PPP1CB: variants seen among roughly 807,000 people sequenced by gnomAD.
PPP1CB encodes the protein serine/threonine-protein phosphatase PP1-beta catalytic subunit.
A neutral mutation model predicts 43.7 loss-of-function variants in PPP1CB; 2 were observed. That is an observed-to-expected ratio of 0.05 (90% confidence interval 0.02 to 0.14). The LOEUF is 0.14. PPP1CB is among the 10% of genes least tolerant of loss of function. PPP1CB has a pLI of 1.00. For synonymous variants in PPP1CB, 136 were observed against 135.6 expected, an observed-to-expected ratio of 1.00 and a Z score of -0.02; for missense variants, 84 against 398.0, an observed-to-expected ratio of 0.21 and a Z score of 6.71.
chr2:28,756,648 T>C (rs1275577887), intron 1 of PPP1CB, among the ~76,000 whole-genome samples: 3 of 152,184 alleles, frequency 2.0e-5, no homozygotes, highest in South Asian at 2.1e-4. Context: ...CTTGGCTGGC[T>C]AATTTTTTTT....
In PPP1CB at chr2:28,764,337, A is replaced by G. The variant is rs143403261; in HGVS notation, c.52+12161A>G. Among the ~76,000 whole-genome samples, 748 of 151,158 alleles carry G rather than the reference A, an allele frequency of 4.9e-3. 12 individuals carry two copies. The highest frequency in any genetic ancestry group is 0.025 in the Admixed American group (383 of 15,140). On this transcript the variant is annotated intron_variant, in intron 1 of 7. Transcript: ENST00000395366. ...TAGCTGGGCATAGTAGCACCCACCT[A>G]TAATCCCAGCTACTCGGGAGGCTGA...
chr2:28,793,741 C>T (rs1224504609), intron 6 of PPP1CB, 122 bp from the exon 7 acceptor site: 5 of 1,035,754 alleles, frequency 4.8e-6, no homozygotes, highest in East Asian at 2.6e-5. Context: ...ACTTCCAAAA[C>T]AAAACAGGGT....
chr2:28,774,593 T>C (rs1666991532), intron 1 of PPP1CB, among the ~76,000 whole-genome samples: 1 of 152,102 alleles, frequency 6.6e-6, no homozygotes, highest in Admixed American at 6.5e-5. Context: ...TCCCGGCTAA[T>C]TCTTGTATTT....
intron 1 of PPP1CB, among the ~76,000 whole-genome samples, chr2:28,755,198 C>T (rs1366646442): frequency 2.0e-5 from 3 of 152,104 alleles, no homozygotes; most frequent in Non-Finnish European, 4.4e-5. Flanking sequence ...TACAGCATGC[C>T]ACCACGCCCC....
Position 28,799,396 on chromosome 2 carries a change from ACCCT to A in PPP1CB, c.*94_*97del. The A allele has an allele frequency of 1.0e-6, 1 of 982,332 alleles. No homozygotes were observed. Among genetic ancestry groups the A allele is most frequent in the Non-Finnish European group, 1.5e-6 (1 of 652,864 alleles). The allele number at this position is 982,332 out of a possible 1,614,324, so 60.9% of individuals were successfully genotyped here. A position where few individuals can be genotyped will look rare whatever the true frequency, so the allele number is the denominator to read the frequency against. Reference sequence around the variant, plus strand: ...CTGTAAAACCATCCAGCCATTTGACACCCTTTATGATGTCACACCTTTAACTTAA... The same window carrying A: ...CTGTAAAACCATCCAGCCATTTGACATTATGATGTCACACCTTTAACTTAA... On this transcript the variant is annotated 3_prime_UTR_variant, in exon 8 of 8. Coordinates refer to ENST00000395366, the MANE Select transcript of PPP1CB (RefSeq NM_002709.3).
chr2:28,774,969 C>T (rs10178852), intron 1 of PPP1CB, among the ~76,000 whole-genome samples: 79,096 of 151,948 alleles, frequency 0.52, 21,626 homozygotes, highest in South Asian at 0.61. Flanking sequence ...TCTGTGTCTC[C>T]TGTTTATTGC....
At chr2:28,752,576 T>C (rs530799019) in intron 1 of PPP1CB, among the ~76,000 whole-genome samples, 1 of 152,152 alleles carries the variant, frequency 6.6e-6, no homozygotes, top group Non-Finnish European at 1.5e-5. Flanking sequence ...GGAATCACTG[T>C]TCTTCTCTGT....
intron 1 of PPP1CB, among the ~76,000 whole-genome samples, chr2:28,753,654 A>G (rs2148452019): frequency 6.6e-6 from 1 of 152,310 alleles, no homozygotes; most frequent in South Asian, 2.1e-4. Context: ...TAACTGTTTT[A>G]TGAGGGAAAT....
intron 1 of PPP1CB, among the ~76,000 whole-genome samples, chr2:28,757,063 C>T (rs773879417): frequency 2.8e-4 from 43 of 152,068 alleles, no homozygotes; most frequent in African/African-American, 9.2e-4. Context: ...CATTCCCTCC[C>T]GGCCCCCACT....
At position 28,777,140 on chromosome 2, in the gene PPP1CB, C is replaced by T. The variant is rs1667059725; in HGVS notation, c.184+158C>T. On this transcript the variant is annotated intron_variant, in intron 2 of 7. Coordinates refer to ENST00000395366, the MANE Select transcript of PPP1CB (RefSeq NM_002709.3). ...TAAAAATTGAAACTTATAAAAATGACAAGTTACAGACAAGATGAAAATACT... is the reference window on the plus strand; with the variant it reads ...TAAAAATTGAAACTTATAAAAATGATAAGTTACAGACAAGATGAAAATACT... 6 of 671,132 alleles carry T rather than the reference C, an allele frequency of 8.9e-6. No homozygotes were observed. The Admixed American group carries it at 1.2e-4, about 14-fold the overall frequency. 41.6% of individuals were successfully genotyped at this position (671,132 alleles called of 1,614,324 possible). A position where few individuals can be genotyped will look rare whatever the true frequency, so the allele number is the denominator to read the frequency against.
At chr2:28,751,770 A>T, upstream of PPP1CB, 1 of 330,258 alleles carries the variant, frequency 3.0e-6, no homozygotes, top group Non-Finnish European at 5.7e-6. Context: ...GGCGGCGCGC[A>T]AGGGACGTGC....
Position 28,781,893 on chromosome 2 carries a change from A to G in PPP1CB, c.520+51A>G, listed in dbSNP as rs572528640. The stretch of plus-strand genomic sequence containing the variant: ...ATTTTTTTTTTCTTCTATTATTCGG[A>G]AAATACCTATAATAATCAAGAGGCT... On this transcript the variant is annotated intron_variant, in intron 4 of 7. Coordinates refer to ENST00000395366, the MANE Select transcript of PPP1CB (RefSeq NM_002709.3). 3.2e-4 allele frequency: 392 copies of G among 1,206,462 alleles called. 8 individuals are homozygous for G. The South Asian group carries it at 4.7e-3, about 14-fold the overall frequency. 74.7% of individuals were successfully genotyped at this position (1,206,462 alleles called of 1,614,324 possible).
At chr2:28,762,734 TAC>T (rs1414586021) in intron 1 of PPP1CB, among the ~76,000 whole-genome samples, 1 of 152,240 alleles carries the variant, frequency 6.6e-6, no homozygotes, top group Admixed American at 6.5e-5. Context: ...GACTTTATAA[TAC>T]GCGTTGTTCA....
At chr2:28,771,972 G>T (rs1344283815) in intron 1 of PPP1CB, among the ~76,000 whole-genome samples, 1 of 101,346 alleles carries the variant, frequency 9.9e-6, no homozygotes, top group East Asian at 2.1e-4. Flanking sequence ...AAACGAACTT[G>T]TCCAAAAAAA....
chr2:28,782,314 A>G (rs140432898), intron 4 of PPP1CB, among the ~76,000 whole-genome samples: 3 of 152,312 alleles, frequency 2.0e-5, no homozygotes, highest in Non-Finnish European at 2.9e-5. Context: ...TGTATGGCTT[A>G]TGAAATAAGC....
chr2:28,799,086 A>AT, intron 7 of PPP1CB, 113 bp from the exon 8 acceptor site: 1 of 700,438 alleles, frequency 1.4e-6, no homozygotes, highest in South Asian at 2.0e-5. Context: ...GCTATTCTAC[A>AT]TTTTTATTGC....
chr2:28,760,331 A>T (rs1339113996), intron 1 of PPP1CB, among the ~76,000 whole-genome samples: 1 of 152,212 alleles, frequency 6.6e-6, no homozygotes, highest in African/African-American at 2.4e-5. Flanking sequence ...AGCAAAGGTT[A>T]ATTTATTCTT....
intron 1 of PPP1CB, among the ~76,000 whole-genome samples, 197 bp downstream of exon 1, chr2:28,752,373 A>G (rs934437680): frequency 1.3e-4 from 19 of 151,944 alleles, no homozygotes; most frequent in Admixed American, 2.6e-4. Context: ...GAGCGCGGTC[A>G]GGGGAGATCG....
At chr2:28,786,366 G>A (rs1011302581) in intron 5 of PPP1CB, among the ~76,000 whole-genome samples, 1 of 151,942 alleles carries the variant, frequency 6.6e-6, no homozygotes, top group African/African-American at 2.4e-5. Flanking sequence ...CGCCCACCTC[G>A]GCCTCCCAAA....
Sources: allele counts gnomAD v4.1 joint callset (sites outside exome capture counted in the v4.1 genomes callset), GRCh38; gene constraint gnomAD v4.1.1; transcripts MANE v1.5; gene names NCBI Gene and HGNC (gene_info 2026-07-23, HGNC 2026-07-21).